The following RIMBP2 variants were observed in gnomAD, a reference collection of about 807,000 sequenced individuals.
RIMBP2 encodes the protein RIMS-binding protein 2.
Under a neutral mutation model 118.6 loss-of-function variants are expected in RIMBP2, and 48 were observed. The ratio of observed to expected loss-of-function variants is 0.40; its 90% CI spans 0.32 to 0.51. The LOEUF (loss-of-function observed/expected upper bound fraction) is 0.51, where lower values mean the gene tolerates loss of function less well. Ranked by LOEUF, RIMBP2 falls within the 20% of genes least tolerant of loss-of-function variation. RIMBP2 has a pLI of 0.41. For missense variants in RIMBP2, 1,551 were observed against 1,768.3 expected, an observed-to-expected ratio of 0.88 and a Z score of 2.20; for synonymous variants, 762 against 742.9, an observed-to-expected ratio of 1.03 and a Z score of -0.42.
At chr12:130,643,015 T>G (rs61936784) in intron 1 of RIMBP2, among the ~76,000 whole-genome samples, 1 of 152,166 alleles carries the variant, frequency 6.6e-6, no homozygotes, top group African/African-American at 2.4e-5. Context: ...AGTCTCGGAC[T>G]GGACACATTC....
chr12:130,510,040 C>G (rs531630050), intron 3 of RIMBP2, among the ~76,000 whole-genome samples: 1 of 152,236 alleles, frequency 6.6e-6, no homozygotes, highest in African/African-American at 2.4e-5. Context: ...GAGCACTGGA[C>G]AGTCAGGAAT....
At chr12:130,606,662 G>A (rs538665498) in intron 2 of RIMBP2, among the ~76,000 whole-genome samples, 1 of 152,274 alleles carries the variant, frequency 6.6e-6, no homozygotes, top group East Asian at 1.9e-4. Flanking sequence ...TAAACTGTTG[G>A]AGCAAGCGGT....
intron 1 of RIMBP2, among the ~76,000 whole-genome samples, chr12:130,665,486 C>A (rs2063876929): frequency 6.6e-6 from 1 of 151,380 alleles, no homozygotes; most frequent in African/African-American, 2.5e-5. Flanking sequence ...GATCGTACCA[C>A]AGCGAGCCGA....
intron 1 of RIMBP2, among the ~76,000 whole-genome samples, chr12:130,650,798 C>A (rs1161368714): frequency 6.6e-6 from 1 of 151,852 alleles, no homozygotes; most frequent in Non-Finnish European, 1.5e-5. Context: ...AGAGATTTTT[C>A]CCCTCAAAAC....
Position 130,703,628 on chromosome 12 carries a change from G to C in RIMBP2, c.-352+12594C>G, listed in dbSNP as rs1270516552. ...CGCTTTAGCCCTCACGTGACTAGGG[G>C]CCACCGCCTAACCCTGATTAGCGCT... On this transcript the variant is annotated intron_variant, in intron 1 of 22. Transcript: ENST00000690449. This position sits in a 1 kb window ranked among gnomAD's most constrained non-coding sequence, Gnocchi z 5.7. 6.6e-6 allele frequency among the ~76,000 whole-genome samples: 1 copy of C among 152,182 alleles called. No homozygotes were observed. The highest frequency in any genetic ancestry group is 6.5e-5 in the Admixed American group (1 of 15,288).
At chr12:130,595,435 G>A (rs1343112161) in intron 2 of RIMBP2, among the ~76,000 whole-genome samples, 3 of 152,126 alleles carry the variant, frequency 2.0e-5, no homozygotes, top group Non-Finnish European at 4.4e-5. Context: ...GCGGGCGCCT[G>A]TAGTCCCAGC....
At chr12:130,609,196 G>A (rs1000804279) in intron 2 of RIMBP2, among the ~76,000 whole-genome samples, 2 of 152,044 alleles carry the variant, frequency 1.3e-5, no homozygotes, top group East Asian at 3.9e-4. Context: ...TCGCAAAGCT[G>A]TCTGCACCCC....
intron 1 of RIMBP2, among the ~76,000 whole-genome samples, chr12:130,653,108 C>T (rs2063294758): frequency 6.6e-6 from 1 of 152,200 alleles, no homozygotes; most frequent in African/African-American, 2.4e-5. Flanking sequence ...CATGCCTTCC[C>T]AACAGTCCTC....
intron 18 of RIMBP2, 56 bp from the exon 19 acceptor site, chr12:130,412,843 A>G: frequency 6.6e-7 from 1 of 1,504,430 alleles, no homozygotes; most frequent in African/African-American, 1.4e-5. Flanking sequence ...TCAGAAATAC[A>G]ATAGTCCCAC....
chr12:130,523,164 T>C lies in RIMBP2; in HGVS notation c.-216-5247A>G, dbSNP rs1412547000. On this transcript the variant is annotated intron_variant, in intron 2 of 22. Transcript: ENST00000690449. This position sits in a 1 kb window ranked among gnomAD's most constrained non-coding sequence, Gnocchi z 4.4. ...CTCTCTGCCTCCATGTCTGTCTGTG[T>C]CTCTGTTTCTCTGCCTCTCTGTCTC... Among the ~76,000 whole-genome samples the C allele has an allele frequency of 6.6e-6, 1 of 152,104 alleles. No individual in the cohort carries two copies. The highest frequency in any genetic ancestry group is 2.4e-5 in the African/African-American group (1 of 41,426).
At chr12:130,604,289 A>C (rs2060034981) in intron 2 of RIMBP2, among the ~76,000 whole-genome samples, 1 of 89,682 alleles carries the variant, frequency 1.1e-5, no homozygotes. Flanking sequence ...GTTTTTAAAA[A>C]GTAAAAAAAA....
At position 130,420,719 on chromosome 12, in the gene RIMBP2, C is replaced by T. The variant is rs939343058; in HGVS notation, c.3238+1734G>A. 2.0e-5 allele frequency among the ~76,000 whole-genome samples: 3 copies of T among 152,116 alleles called. No homozygotes were observed. The highest frequency in any genetic ancestry group is 4.4e-5 in the Non-Finnish European group (3 of 68,034). Reference sequence around the variant, plus strand: ...CAATATTGAGTCTAAGTCCAAGCAACAAGACAACCCAGGACAGTAGATTTA... The same window carrying T: ...CAATATTGAGTCTAAGTCCAAGCAATAAGACAACCCAGGACAGTAGATTTA... On this transcript the variant is annotated intron_variant, in intron 17 of 22. Coordinates refer to ENST00000690449, the MANE Select transcript of RIMBP2 (RefSeq NM_001393629.1). The surrounding 1 kb of genome is among the most constrained non-coding windows in gnomAD (Gnocchi z 4.3).
At chr12:130,494,532 A>T (rs925661108) in intron 4 of RIMBP2, among the ~76,000 whole-genome samples, 2 of 151,986 alleles carry the variant, frequency 1.3e-5, no homozygotes, top group Admixed American at 1.3e-4. Flanking sequence ...CCAGCTACTC[A>T]GGAAGCTGAA....
rs1390169894 is a variant in RIMBP2, at chr12:130,419,025, TA to T, written c.3238+3427del. On this transcript the variant is annotated intron_variant, in intron 17 of 22. Transcript: ENST00000690449. The surrounding 1 kb of genome is among the most constrained non-coding windows in gnomAD (Gnocchi z 4.3). Reference sequence around the variant, plus strand: ...GCACTTGGAGTTGAACGTATGTGAATAAAATCAGCGTATGCGGTGACTCCAC... The same window carrying T: ...GCACTTGGAGTTGAACGTATGTGAATAAATCAGCGTATGCGGTGACTCCAC... Among the ~76,000 whole-genome samples, 1 of 152,126 alleles carries T rather than the reference TA, an allele frequency of 6.6e-6. No homozygotes were observed. Among genetic ancestry groups the T allele is most frequent in the African/African-American group, 2.4e-5 (1 of 41,408 alleles).
At chr12:130,678,516 G>A (rs563197608) in intron 1 of RIMBP2, among the ~76,000 whole-genome samples, 4 of 152,134 alleles carry the variant, frequency 2.6e-5, no homozygotes, top group Admixed American at 2.6e-4. Flanking sequence ...CTGCAGGATT[G>A]CACTTTTTTT....
chr12:130,706,103 T>C (rs2066102795), intron 1 of RIMBP2, among the ~76,000 whole-genome samples: 1 of 152,232 alleles, frequency 6.6e-6, no homozygotes, highest in Non-Finnish European at 1.5e-5. Flanking sequence ...TTAATAATAA[T>C]AGCAGGAATC....
At chr12:130,554,462 T>C (rs1404825483) in intron 2 of RIMBP2, among the ~76,000 whole-genome samples, 1 of 152,210 alleles carries the variant, frequency 6.6e-6, no homozygotes, top group Non-Finnish European at 1.5e-5. Context: ...TTTGTGGTTA[T>C]GAAATGGATA....
At chr12:130,701,410 C>T (rs1326286914) in intron 1 of RIMBP2, among the ~76,000 whole-genome samples, 1 of 152,216 alleles carries the variant, frequency 6.6e-6, no homozygotes, top group Non-Finnish European at 1.5e-5. Flanking sequence ...ACACGTGGAA[C>T]TGCTTGTATT....
intron 1 of RIMBP2, among the ~76,000 whole-genome samples, chr12:130,631,681 CA>C (rs201707473): frequency 0.032 from 4,327 of 134,422 alleles, 113 homozygotes; most frequent in African/African-American, 0.085. Context: ...ACTGGTAAGT[CA>C]AAAAAAAAAA....
Sources: gnomAD v4.1 joint callset for allele counts (sites outside exome capture counted in the v4.1 genomes callset) on GRCh38, gnomAD v4.1.1 for gene constraint, Gnocchi (gnomAD v3.1) non-coding constraint, MANE v1.5 for transcripts, NCBI Gene and HGNC (gene_info 2026-07-23, HGNC 2026-07-21) for gene names.